The following CYLD variants were observed in gnomAD, a reference collection of about 807,000 sequenced individuals.
The protein encoded by CYLD is CYLD lysine 63 deubiquitinase.
Under a neutral mutation model 104.5 loss-of-function variants are expected in CYLD, and 26 were observed. That is an observed-to-expected ratio of 0.25 (90% CI 0.18 to 0.35). The LOEUF (loss-of-function observed/expected upper bound fraction) is 0.35, where lower values mean the gene tolerates loss of function less well. CYLD is among the 10% of genes least tolerant of loss of function. CYLD has a pLI of 1.00. For missense variants in CYLD, 703 were observed against 1,136.1 expected (o/e 0.62, Z 5.48); for synonymous variants, 385 against 399.9 (o/e 0.96, Z 0.45).
rs1027738616 is a variant in CYLD at position 50,799,519 on chromosome 16, G to A, written c.*3011G>A. 1 of 233,570 alleles carries A rather than the reference G, an allele frequency of 4.3e-6. No individual in the cohort carries two copies. The highest frequency in any genetic ancestry group is 2.2e-5 in the African/African-American group (1 of 45,308). The allele number at this position is 233,570 out of a possible 1,614,324, so 14.5% of individuals were successfully genotyped here. On this transcript the variant is annotated 3_prime_UTR_variant, in exon 19 of 19. Transcript: ENST00000427738. ...TAAATATGTTGTTACTGTTGCTAAG[G>A]ATTTTCTCCTTAGAATAATTTAGGA...
Position 50,776,181 on chromosome 16 carries a change from A to G in CYLD, c.925A>G (p.Ser309Gly), listed in dbSNP as rs1223750872. 1 of 1,607,512 alleles carries G rather than the reference A, an allele frequency of 6.2e-7. No individual in the cohort carries two copies. The highest frequency in any genetic ancestry group is 8.5e-7 in the Non-Finnish European group (1 of 1,174,370). Residue 309 changes from serine to glycine, a missense_variant and splice_region_variant, in exon 7 of 19, where the codon AGT becomes GGT. Ser to Gly is a moderately conservative substitution (Grantham distance 56). Transcript: ENST00000427738. The part of the protein sequence containing the change: ...INDIIPALSE[S>G]VTQERRPPKL... ...AAAAAACATGCTTACTGTTTCAGAGAGTGTGACGCAGGAAAGGAGGCCTCC... is the reference window on the plus strand; with the variant it reads ...AAAAAACATGCTTACTGTTTCAGAGGGTGTGACGCAGGAAAGGAGGCCTCC...
intron 2 of CYLD, among the ~76,000 whole-genome samples, chr16:50,745,843 T>C (rs142649328): frequency 1.2e-4 from 18 of 152,248 alleles, no homozygotes; most frequent in African/African-American, 3.6e-4. Flanking sequence ...TCCCTTCATA[T>C]TGTGTTGAGT....
chr16:50,779,945 C>A lies in CYLD; in HGVS notation c.1419C>A (p.Gly473=). 6.2e-7 allele frequency: 1 copy of A among 1,613,956 alleles called. No individual in the cohort carries two copies. The highest frequency in any genetic ancestry group is 8.5e-7 in the Non-Finnish European group (1 of 1,179,864). Residue 473 remains glycine (G), a synonymous_variant, in exon 9 of 19, where the codon GGC becomes GGA. Coordinates refer to ENST00000427738, the MANE Select transcript of CYLD (RefSeq NM_001378743.1). ...GGAACTCACATGGTCTAGAAGTGGG[C>A]TCATTGGCTGAAGTTAAGGAGAACC... ...PPGNSHGLEV[G]SLAEVKENPP... is the part of the protein sequence containing the mutation.
intron 5 of CYLD, among the ~76,000 whole-genome samples, chr16:50,767,466 A>AT (rs3064635): frequency 0.39 from 55,598 of 143,800 alleles, 10,863 homozygotes; most frequent in Non-Finnish European, 0.43. Context: ...GTGGGTTTCA[A>AT]TTTTTTTTTT....
rs779374474 is a variant in CYLD, at chr16:50,793,612, C to A, written c.2417C>A (p.Pro806Gln). ...MYECRECYDDPDISAGKIKQF... is the reference protein window; with the variant it reads ...MYECRECYDDQDISAGKIKQF... ...GAGTGTAGAGAATGCTACGACGATC[C>A]GGACATCTCAGCTGGAAAAATCAAG... is the stretch of plus-strand genomic sequence containing the variant. Residue 806 changes from proline to glutamine, a missense_variant, in exon 17 of 19, where the codon CCG (proline) becomes CAG (glutamine). Transcript: ENST00000427738. The A allele has an allele frequency of 6.2e-7, 1 of 1,613,900 alleles. No homozygotes were observed. Among genetic ancestry groups the A allele is most frequent in the Non-Finnish European group, 8.5e-7 (1 of 1,179,960 alleles).
chr16:50,775,751 C>G (rs1384896342), intron 6 of CYLD, among the ~76,000 whole-genome samples: 1 of 152,136 alleles, frequency 6.6e-6, no homozygotes, highest in Non-Finnish European at 1.5e-5. Flanking sequence ...AATTGTTTAT[C>G]TTTGTTTATC....
intron 9 of CYLD, among the ~76,000 whole-genome samples, chr16:50,780,406 A>G (rs1052384491): frequency 6.6e-6 from 1 of 152,186 alleles, no homozygotes; most frequent in South Asian, 2.1e-4. Context: ...TTTAAAGTTA[A>G]TCACCATTTT....
intron 14 of CYLD, 82 bp downstream of exon 14, chr16:50,787,934 C>A: frequency 1.2e-6 from 1 of 820,802 alleles, no homozygotes; most frequent in Non-Finnish European, 2.0e-6. Flanking sequence ...ACATGATTTC[C>A]AGAATGATTT....
intron 5 of CYLD, among the ~76,000 whole-genome samples, chr16:50,768,793 A>T (rs1282042143): frequency 2.6e-5 from 4 of 152,012 alleles, no homozygotes; most frequent in Non-Finnish European, 5.9e-5. Flanking sequence ...TGTTTTTTTG[A>T]CGATCTCTAC....
chr16:50,771,331 A>C (rs1366317354), intron 5 of CYLD, among the ~76,000 whole-genome samples: 3 of 152,226 alleles, frequency 2.0e-5, no homozygotes, highest in African/African-American at 7.2e-5. Context: ...TATGATAGCA[A>C]AATCAGTACT....
intron 2 of CYLD, among the ~76,000 whole-genome samples, chr16:50,746,732 A>G (rs888347864): frequency 1.3e-5 from 2 of 152,004 alleles, no homozygotes; most frequent in Non-Finnish European, 2.9e-5. Flanking sequence ...AGTTATATCA[A>G]TTTTTACTGT....
At chr16:50,755,006 CATATAT>C in intron 5 of CYLD, among the ~76,000 whole-genome samples, 1 of 10,900 alleles carries the variant, frequency 9.2e-5, no homozygotes, top group Admixed American at 8.6e-4. Context: ...TGTATATATA[CATATAT>C]ATGTATATAT....
In CYLD at chr16:50,744,999, C is replaced by T. The variant is rs555280920; in HGVS notation, c.-124+2158C>T. On this transcript the variant is annotated intron_variant, in intron 2 of 18. Transcript: ENST00000427738. ...AGGAAAGGCCTTCTGTTCAACATGGCTTTAGGGTTAAACATATTATTGTGT... is the reference window on the plus strand; with the variant it reads ...AGGAAAGGCCTTCTGTTCAACATGGTTTTAGGGTTAAACATATTATTGTGT... The T allele has an allele frequency of 3.2e-4, 49 of 152,418 alleles. 1 individual carries two copies. Among genetic ancestry groups the T allele is most frequent in the African/African-American group, 1.2e-3 (49 of 41,550 alleles). 9.4% of individuals were successfully genotyped at this position (152,418 alleles called of 1,614,324 possible).
At chr16:50,783,299 G>C (rs1417332853) in intron 11 of CYLD, among the ~76,000 whole-genome samples, 1 of 152,078 alleles carries the variant, frequency 6.6e-6, no homozygotes, top group Non-Finnish European at 1.5e-5. Flanking sequence ...GAGGATTGTA[G>C]ACTGGGCTAA....
intron 13 of CYLD, chr16:50,787,362 C>G (rs1335703597): frequency 3.7e-6 from 1 of 272,916 alleles, no homozygotes; most frequent in Non-Finnish European, 7.0e-6. Context: ...GTGTTATAAT[C>G]TCTTCCTAGC....
intron 7 of CYLD, 63 bp from the exon 8 acceptor site, chr16:50,777,762 T>TAA: frequency 1.2e-6 from 1 of 834,566 alleles, no homozygotes; most frequent in Non-Finnish European, 2.1e-6. Context: ...TTTCTCTTAC[T>TAA]AAAAAAAAAC....
Position 50,794,385 on chromosome 16 carries a change from C to T in CYLD, c.2643C>T (p.Asp881=), listed in dbSNP as rs771727780. The T allele has an allele frequency of 7.4e-6, 12 of 1,614,114 alleles. No homozygotes were observed. Among genetic ancestry groups the T allele is most frequent in the East Asian group, 4.5e-5 (2 of 44,886 alleles). Residue 881 remains aspartate (D), a synonymous_variant, in exon 18 of 19, where the codon GAC becomes GAT. Transcript: ENST00000427738. The surrounding 1 kb of genome is among the most constrained non-coding windows in gnomAD (Gnocchi z 4.1). ...TTGCTTTTGTGAAGTATGGGAAGGA[C>T]GATTCTGCCTGGCTCTTCTTTGACA... ...HYVAFVKYGK[D]DSAWLFFDSM...
intron 8 of CYLD, 74 bp downstream of exon 8, chr16:50,778,015 T>C: frequency 2.3e-6 from 2 of 866,652 alleles, no homozygotes; most frequent in African/African-American, 1.7e-5. Context: ...GTTTTTTATA[T>C]CAATATTTGT....
At position 50,796,332 on chromosome 16, in the gene CYLD, A is replaced by C; in HGVS notation, c.2695A>C (p.Asn899His). The change falls in exon 19 of 19, where the codon AAT becomes CAT. Residue 899 changes from asparagine (N) to histidine (H), a missense_variant. Asn to His is a moderately conservative substitution (Grantham distance 68). Around this residue, in one of 5 missense-constraint regions of CYLD, gnomAD observed 130 missense variants for 220.2 expected, o/e 0.59. Transcript: ENST00000427738. ...CTTCCTCTGTGCCATAGGTGGTCAG[A>C]ATGGCTTCAACATTCCTCAAGTCAC... is the stretch of plus-strand genomic sequence containing the variant. ...DSMADRDGGQ[N>H]GFNIPQVTPC... The C allele has an allele frequency of 6.2e-7, 1 of 1,614,142 alleles. No individual in the cohort carries two copies. Among genetic ancestry groups the C allele is most frequent in the Non-Finnish European group, 8.5e-7 (1 of 1,180,008 alleles).
Sources: gnomAD v4.1 joint callset for allele counts (sites outside exome capture counted in the v4.1 genomes callset) on GRCh38, gnomAD v4.1.1 for gene constraint, gnomAD v4.1.1 regional missense constraint, Gnocchi (gnomAD v3.1) non-coding constraint, MANE v1.5 for transcripts, NCBI Gene and HGNC (gene_info 2026-07-23, HGNC 2026-07-21) for gene names.